The following TOPAZ1 variants were observed in gnomAD, a reference collection of about 807,000 sequenced individuals.
TOPAZ1 encodes the protein testis and ovary specific TOPAZ 1, also known as protein TOPAZ1.
A neutral mutation model predicts 172.2 loss-of-function variants in TOPAZ1; 66 were observed. That is an observed-to-expected ratio of 0.38 (90% CI 0.31 to 0.47). The LOEUF is 0.47. TOPAZ1 is among the 20% of genes least tolerant of loss of function. The pLI is 0.99. For synonymous variants in TOPAZ1, 681 were observed against 683.9 expected, an observed-to-expected ratio of 1.00 and a Z score of 0.07; for missense variants, 1,822 against 1,972.4, an observed-to-expected ratio of 0.92 and a Z score of 1.44.
At chr3:44,282,508 A>G (rs1254641093) in intron 9 of TOPAZ1, among the ~76,000 whole-genome samples, 1 of 152,082 alleles carries the variant, frequency 6.6e-6, no homozygotes, top group African/African-American at 2.4e-5. Context: ...GTTCCATCCC[A>G]TTTCCTCATG....
chr3:44,305,919 A>T (rs2125700035), intron 14 of TOPAZ1, among the ~76,000 whole-genome samples: 4 of 152,294 alleles, frequency 2.6e-5, no homozygotes, highest in Middle Eastern at 6.8e-3. Flanking sequence ...ATTGCTAACA[A>T]ATTATAGTGG....
At position 44,315,200 on chromosome 3, in the gene TOPAZ1, CGTGTGTGT is replaced by C. The variant is rs71089096; in HGVS notation, c.4306+5231_4306+5238del. On this transcript the variant is annotated intron_variant, in intron 16 of 19. Coordinates refer to ENST00000309765, the MANE Select transcript of TOPAZ1 (RefSeq NM_001145030.2). The stretch of plus-strand genomic sequence containing the variant: ...GAAATGGTTGCAGGTTTTGAAAGAA[CGTGTGTGT>C]GTGTGTGTGTGTGTGTGTGTTTATA... Among the ~76,000 whole-genome samples the C allele has an allele frequency of 2.1e-4, 31 of 150,202 alleles. 1 individual carries two copies. The Middle Eastern group carries it at 0.014, about 67-fold the overall frequency.
chr3:44,325,604 A>T (rs940271503), intron 18 of TOPAZ1, among the ~76,000 whole-genome samples: 3 of 151,528 alleles, frequency 2.0e-5, no homozygotes, highest in African/African-American at 7.3e-5. Context: ...GACAGATCAC[A>T]TAAATGGAAT....
intron 2 of TOPAZ1, among the ~76,000 whole-genome samples, chr3:44,246,612 A>T (rs886101874): frequency 4.6e-5 from 7 of 152,192 alleles, no homozygotes; most frequent in Non-Finnish European, 8.8e-5. Context: ...ATGGAAAAAA[A>T]TGAAGACAAA....
intron 3 of TOPAZ1, among the ~76,000 whole-genome samples, chr3:44,255,486 A>G (rs1699687329): frequency 6.6e-6 from 1 of 151,700 alleles, no homozygotes; most frequent in African/African-American, 2.4e-5. Context: ...CCCCATCTCT[A>G]CTAAAAGTAC....
At chr3:44,304,891 A>G (rs1700317282) in intron 13 of TOPAZ1, among the ~76,000 whole-genome samples, 1 of 152,202 alleles carries the variant, frequency 6.6e-6, no homozygotes, top group African/African-American at 2.4e-5. Flanking sequence ...TAAATACTTT[A>G]AGACCTGGAT....
chr3:44,263,559 C>T (rs935173072), intron 5 of TOPAZ1, among the ~76,000 whole-genome samples: 2 of 152,146 alleles, frequency 1.3e-5, no homozygotes, highest in Non-Finnish European at 2.9e-5. Flanking sequence ...TAGTAAGTGA[C>T]ATCCCAAGTT....
chr3:44,317,143 G>A (rs770244505), intron 16 of TOPAZ1, among the ~76,000 whole-genome samples: 21 of 152,162 alleles, frequency 1.4e-4, no homozygotes, highest in Non-Finnish European at 2.2e-4. Context: ...TACCTTGGCT[G>A]GGCTTGGTGG....
intron 18 of TOPAZ1, among the ~76,000 whole-genome samples, chr3:44,326,710 C>T (rs775489428): frequency 5.3e-5 from 8 of 152,112 alleles, no homozygotes; most frequent in Non-Finnish European, 7.4e-5. Flanking sequence ...TCCTTTCTCA[C>T]GCTCCTGATT....
chr3:44,267,534 A>G (rs913966817), intron 6 of TOPAZ1, among the ~76,000 whole-genome samples: 9 of 152,016 alleles, frequency 5.9e-5, no homozygotes, highest in African/African-American at 2.2e-4. Context: ...TGACCTCGTA[A>G]TCTGTCCACC....
chr3:44,269,097 G>A (rs1699864484), intron 6 of TOPAZ1, 119 bp from the exon 7 acceptor site: 5 of 690,078 alleles, frequency 7.2e-6, no homozygotes, highest in African/African-American at 3.6e-5. Context: ...TCTGTGAACT[G>A]AATATGAATA....
intron 19 of TOPAZ1, among the ~76,000 whole-genome samples, chr3:44,330,734 A>G (rs1175385946): frequency 9.2e-5 from 14 of 152,208 alleles, no homozygotes; most frequent in Non-Finnish European, 1.9e-4. Context: ...AGTGAACACA[A>G]AGAAAAAGGT....
chr3:44,305,427 G>A (rs1363766299), intron 14 of TOPAZ1, 106 bp downstream of exon 14: 14 of 994,750 alleles, frequency 1.4e-5, no homozygotes, highest in Non-Finnish European at 1.8e-5. Context: ...TGGAGTACAG[G>A]GGTGCGGTCA....
chr3:44,248,261 A>G (rs890216044), intron 2 of TOPAZ1, among the ~76,000 whole-genome samples: 2 of 152,168 alleles, frequency 1.3e-5, no homozygotes, highest in African/African-American at 4.8e-5. Context: ...AATGGTAATT[A>G]TATATCACTT....
intron 19 of TOPAZ1, among the ~76,000 whole-genome samples, chr3:44,329,002 G>C (rs970216602): frequency 1.3e-5 from 2 of 152,138 alleles, no homozygotes; most frequent in Non-Finnish European, 1.5e-5. Flanking sequence ...TATGCCATAC[G>C]ATTTCTTGTC....
intron 15 of TOPAZ1, among the ~76,000 whole-genome samples, chr3:44,307,809 G>A (rs1700352224): frequency 6.6e-6 from 1 of 152,142 alleles, no homozygotes; most frequent in Non-Finnish European, 1.5e-5. Context: ...AGGTCTCCAG[G>A]CTCAAAAGTC....
intron 2 of TOPAZ1, among the ~76,000 whole-genome samples, chr3:44,254,648 A>AAG (rs1699674720): frequency 6.8e-6 from 1 of 147,758 alleles, no homozygotes; most frequent in African/African-American, 2.5e-5. Context: ...AAAAAAAAAA[A>AAG]GAGTAGAAGT....
downstream of TOPAZ1, among the ~76,000 whole-genome samples, chr3:44,333,015 G>A (rs1430022687): frequency 3.3e-5 from 5 of 150,836 alleles, no homozygotes; most frequent in Admixed American, 1.3e-4. Context: ...TTTGAGATGG[G>A]GTTTTGCTAT....
At chr3:44,278,914 T>A (rs2125689852) in intron 8 of TOPAZ1, among the ~76,000 whole-genome samples, 1 of 152,094 alleles carries the variant, frequency 6.6e-6, no homozygotes, top group East Asian at 1.9e-4. Context: ...TTTCTTGAGA[T>A]GCATTGTTAG....
Sources: gnomAD v4.1 joint callset for allele counts (sites outside exome capture counted in the v4.1 genomes callset) on GRCh38, gnomAD v4.1.1 for gene constraint, MANE v1.5 for transcripts, NCBI Gene and HGNC (gene_info 2026-07-23, HGNC 2026-07-21) for gene names.